KRT6C: variants seen among roughly 807,000 people sequenced by gnomAD.
The protein encoded by KRT6C is keratin, type II cytoskeletal 6C.
In KRT6C, 46 loss-of-function variants were observed where a neutral mutation model predicts 49.4. The ratio of observed to expected loss-of-function variants is 0.93; its 90% CI spans 0.74 to 1.19. KRT6C has a LOEUF of 1.19. Ranked by LOEUF, KRT6C falls within the 50% of genes most tolerant of loss-of-function variation. KRT6C has a pLI of 0.00. For synonymous variants in KRT6C, 236 were observed against 297.1 expected (o/e 0.79, Z 2.12); for missense variants, 552 against 737.5 (o/e 0.75, Z 2.91).
intron 6 of KRT6C, 40 bp from the exon 7 acceptor site, chr12:52,469,930 C>T: frequency 1.9e-6 from 3 of 1,611,696 alleles, no homozygotes; most frequent in Non-Finnish European, 2.5e-6. Flanking sequence ...CTTGTCTGCT[C>T]CTCCGGAGGA....
intron 1 of KRT6C, among the ~76,000 whole-genome samples, chr12:52,472,505 AAG>A (rs1448813927): frequency 7.4e-6 from 1 of 135,328 alleles, no homozygotes; most frequent in African/African-American, 2.4e-5. Context: ...CTCACGCTGT[AAG>A]CTATTGATCA....
intron 6 of KRT6C, 195 bp from the exon 7 acceptor site, chr12:52,470,085 T>A: frequency 1.4e-6 from 1 of 700,326 alleles, no homozygotes; most frequent in Non-Finnish European, 2.4e-6. Context: ...CCCCTTGTAT[T>A]AAGCACCCGC....
In KRT6C at chr12:52,473,792, A is replaced by C; in HGVS notation, c.-55T>G. 1.2e-6 allele frequency: 2 copies of C among 1,613,034 alleles called. No individual in the cohort carries two copies. Among genetic ancestry groups the C allele is most frequent in the Non-Finnish European group, 1.7e-6 (2 of 1,179,582 alleles). Reference sequence around the variant, plus strand: ...GCGTTGGAGGCTGGAGGCGAGAGGCAGGAGAAGCAGGACAAGGAATCGGGC... The same window carrying C: ...GCGTTGGAGGCTGGAGGCGAGAGGCCGGAGAAGCAGGACAAGGAATCGGGC... On this transcript the variant is annotated 5_prime_UTR_variant, in exon 1 of 9. Coordinates refer to ENST00000252250, the MANE Select transcript of KRT6C (RefSeq NM_173086.5).
chr12:52,471,688 A>G lies in KRT6C; in HGVS notation c.800T>C (p.Phe267Ser), dbSNP rs367775954. Residue 267 changes from phenylalanine to serine, a missense_variant, in exon 3 of 9, where the codon TTT becomes TCT. Coordinates refer to ENST00000252250, the MANE Select transcript of KRT6C (RefSeq NM_173086.5). The stretch of plus-strand genomic sequence containing the variant: ...TCTGCTCACCTTCTTCAGAGTCACA[A>G]ATTCATTCTCTGCTGCTGTGCGCTT... ...INKRTAAENEFVTLKKDVDAA... is the reference protein window; with the variant it reads ...INKRTAAENESVTLKKDVDAA... The G allele has an allele frequency of 1.4e-5, 23 of 1,612,962 alleles. No homozygotes were observed. The highest frequency in any genetic ancestry group is 8.3e-5 in the Admixed American group (5 of 59,906).
rs557825856 is a variant in KRT6C, at chr12:52,470,726, C to T, written c.1078-96G>A. Reference sequence around the variant, plus strand: ...GTATCATGCATGTCATGAAGTGGACCTAATGGCTTCTCCTCAAGAAACTTG... The same window carrying T: ...GTATCATGCATGTCATGAAGTGGACTTAATGGCTTCTCCTCAAGAAACTTG... On this transcript the variant is annotated intron_variant, in intron 5 of 8. Transcript: ENST00000252250. The T allele has an allele frequency of 1.3e-4, 202 of 1,611,350 alleles. No individual in the cohort carries two copies. The East Asian group carries it at 4.4e-3, about 35-fold the overall frequency.
Position 52,473,514 on chromosome 12 carries a change from C to T in KRT6C, c.224G>A (p.Gly75Asp), listed in dbSNP as rs1429151858. The T allele has an allele frequency of 1.3e-6, 2 of 1,503,804 alleles. No individual in the cohort carries two copies. The highest frequency in any genetic ancestry group is 1.8e-6 in the Non-Finnish European group (2 of 1,096,090). The allele number at this position is 1,503,804 out of a possible 1,614,324, so 93.2% of individuals were successfully genotyped here. A position where few individuals can be genotyped will look rare whatever the true frequency, so the allele number is the denominator to read the frequency against. ...GGSKRISIGG[G>D]SCAISGGYGS... ...ATAGCCGCCACTGATGGCACAGCTG[C>T]CCCCTCCAATGGAGATCCTCTTGGA... The change falls in exon 1 of 9, where the codon GGC (glycine) becomes GAC (aspartate). Residue 75 changes from glycine (G) to aspartate (D), a missense_variant. Gly to Asp is a moderately conservative substitution (Grantham distance 94). This residue lies in a region of KRT6C where 73 missense variants were observed against 102.1 expected (regional missense o/e 0.71). Coordinates refer to ENST00000252250, the MANE Select transcript of KRT6C (RefSeq NM_173086.5).
rs1410610789 is a variant in KRT6C, at chr12:52,468,844, A to T, written c.*218T>A. ...GTGAAGCTCCATTGGTGAATACATT[A>T]TGATGTAAAATCAAAGGTTGATCTG... On this transcript the variant is annotated 3_prime_UTR_variant, in exon 9 of 9. Transcript: ENST00000252250. 4 of 613,878 alleles carry T rather than the reference A, an allele frequency of 6.5e-6. No individual in the cohort carries two copies. The highest frequency in any genetic ancestry group is 1.8e-5 in the African/African-American group (1 of 54,054). The allele number at this position is 613,878 out of a possible 1,614,324, so 38.0% of individuals were successfully genotyped here.
intron 5 of KRT6C, among the ~76,000 whole-genome samples, 156 bp downstream of exon 5, chr12:52,470,976 T>A (rs1397841324): frequency 6.6e-6 from 1 of 152,210 alleles, no homozygotes; most frequent in Non-Finnish European, 1.5e-5. Flanking sequence ...GACTTGCACA[T>A]AAGTTCCCCA....
Position 52,469,815 on chromosome 12 carries a change from G to A in KRT6C, c.1279C>T (p.Leu427=). ...TGCAGGGCATCCTCCAGCCCTTCCA[G>A]CTTGTTCTTAGCATCCTTGAGTGCC... ...EMALKDAKNK[L]EGLEDALQKA... is the part of the protein sequence containing the mutation. The change falls in exon 7 of 9, where the codon CTG becomes TTG. Residue 427 remains leucine, a synonymous_variant. Coordinates refer to ENST00000252250, the MANE Select transcript of KRT6C (RefSeq NM_173086.5). The A allele has an allele frequency of 6.2e-7, 1 of 1,614,106 alleles. No homozygotes were observed. The highest frequency in any genetic ancestry group is 8.5e-7 in the Non-Finnish European group (1 of 1,179,992).
At chr12:52,471,081 A>G (rs1234308496) in intron 5 of KRT6C, 51 bp downstream of exon 5, 22 of 1,613,974 alleles carry the variant, frequency 1.4e-5, no homozygotes, top group African/African-American at 2.7e-5. Flanking sequence ...GTCCTCTGGT[A>G]TTCCAGGATG....
At chr12:52,471,088 G>A in intron 5 of KRT6C, 44 bp downstream of exon 5, 2 of 1,614,158 alleles carry the variant, frequency 1.2e-6, no homozygotes, top group Non-Finnish European at 1.7e-6. Flanking sequence ...GGTATTCCAG[G>A]ATGGACACAA....
chr12:52,471,387 T>G (rs1937879615), intron 4 of KRT6C, 34 bp downstream of exon 4: 3 of 1,614,034 alleles, frequency 1.9e-6, no homozygotes, highest in Non-Finnish European at 2.5e-6. Flanking sequence ...GCAGACCCCA[T>G]CAGAGTAAAC....
chr12:52,472,083 C>T lies in KRT6C; in HGVS notation c.738G>A (p.Val246=). The change falls in exon 2 of 9, where the codon GTG becomes GTA. Residue 246 remains valine, a synonymous_variant. Coordinates refer to ENST00000252250, the MANE Select transcript of KRT6C (RefSeq NM_173086.5). The part of the protein sequence containing the change: ...DSELRNMQDL[V]EDLKNKYEDE... The stretch of plus-strand genomic sequence containing the variant: ...GTCCTCACTTGTTCTTGAGGTCCTC[C>T]ACCAGGTCCTGCATGTTTCTCAGCT... 1.3e-6 allele frequency: 2 copies of T among 1,596,952 alleles called. No homozygotes were observed. Among genetic ancestry groups the T allele is most frequent in the Non-Finnish European group, 1.7e-6 (2 of 1,174,320 alleles).
rs780229149 is a variant in KRT6C at position 52,471,245 on chromosome 12, T to C, written c.964A>G (p.Met322Val). ...AGGTCCAGGTTGCGGTTGTTGTCCATGGATAGCACCACGGATGTGTCTGAG... is the reference window on the plus strand; with the variant it reads ...AGGTCCAGGTTGCGGTTGTTGTCCACGGATAGCACCACGGATGTGTCTGAG... The part of the protein sequence containing the change: ...HISDTSVVLS[M>V]DNNRNLDLDS... The change falls in exon 5 of 9, where the codon ATG becomes GTG. Residue 322 changes from methionine (M) to valine (V), a missense_variant. By Grantham distance (21) the Met-to-Val change is conservative. Around this residue, in one of 3 missense-constraint regions of KRT6C, gnomAD observed 425 missense variants for 439.4 expected, o/e 0.97. Transcript: ENST00000252250. 8 of 1,614,078 alleles carry C rather than the reference T, an allele frequency of 5.0e-6. No individual in the cohort carries two copies. Among genetic ancestry groups the C allele is most frequent in the East Asian group, 2.2e-5 (1 of 44,888 alleles).
At position 52,471,529 on chromosome 12, in the gene KRT6C, C is replaced by G. The variant is rs781569674; in HGVS notation, c.817-13G>C. The G allele has an allele frequency of 7.4e-6, 12 of 1,613,088 alleles. No homozygotes were observed. The East Asian group carries it at 2.2e-4, about 30-fold the overall frequency. The stretch of plus-strand genomic sequence containing the variant: ...CAGCATCCACATCCTGGGGAAAGAG[C>G]CAACAACCTGGAGTTACCTGAGCTC... On this transcript the variant is annotated splice_polypyrimidine_tract_variant and intron_variant, in intron 3 of 8. Coordinates refer to ENST00000252250, the MANE Select transcript of KRT6C (RefSeq NM_173086.5).
chr12:52,472,390 A>C lies in KRT6C; in HGVS notation c.541-110T>G. 2.0e-6 allele frequency: 2 copies of C among 1,015,788 alleles called. 1 individual carries two copies. Among genetic ancestry groups the C allele is most frequent in the Non-Finnish European group, 2.9e-6 (2 of 678,424 alleles). 62.9% of individuals were successfully genotyped at this position (1,015,788 alleles called of 1,614,324 possible). ...GGTCCCCATGGTGCTGGGCTACTAC[A>C]GTGCATGTGGAGAGGCTCAGGCTGA... On this transcript the variant is annotated intron_variant, in intron 1 of 8. Coordinates refer to ENST00000252250, the MANE Select transcript of KRT6C (RefSeq NM_173086.5).
At chr12:52,471,042 G>A in intron 5 of KRT6C, 90 bp downstream of exon 5, 1 of 1,603,678 alleles carries the variant, frequency 6.2e-7, no homozygotes, top group African/African-American at 1.3e-5. Flanking sequence ...CCAGCTTCCT[G>A]TCAGGGGATG....
Position 52,473,635 on chromosome 12 carries a change from T to G in KRT6C, c.103A>C (p.Ser35Arg), listed in dbSNP as rs983035144. The change falls in exon 1 of 9, where the codon AGC (serine) becomes CGC (arginine). Residue 35 changes from serine to arginine, a missense_variant. Around this residue, in one of 3 missense-constraint regions of KRT6C, gnomAD observed 73 missense variants for 102.1 expected, o/e 0.71. Transcript: ENST00000252250. The stretch of plus-strand genomic sequence containing the variant: ...CCCCTGGAGCGGGACACGGAGATGC[T>G]GCTGAAGCCAGAGCGGCTGACCCCA... ...LPGVSRSGFS[S>R]ISVSRSRGSG... 2 of 1,611,418 alleles carry G rather than the reference T, an allele frequency of 1.2e-6. No individual in the cohort carries two copies. Among genetic ancestry groups the G allele is most frequent in the Non-Finnish European group, 1.7e-6 (2 of 1,179,606 alleles).
At chr12:52,470,259 C>A (rs1937851399) in intron 6 of KRT6C, 1 of 629,778 alleles carries the variant, frequency 1.6e-6, no homozygotes, top group East Asian at 2.9e-5. Context: ...AAATTATGAC[C>A]ATCTGTAGGG....
Sources: gnomAD v4.1 joint callset for allele counts (sites outside exome capture counted in the v4.1 genomes callset) on GRCh38, gnomAD v4.1.1 for gene constraint, gnomAD v4.1.1 regional missense constraint, MANE v1.5 for transcripts, NCBI Gene and HGNC (gene_info 2026-07-23, HGNC 2026-07-21) for gene names.